AUTS2: variants seen among roughly 807,000 people sequenced by gnomAD.
AUTS2 encodes the protein activator of transcription and developmental regulator AUTS2.
In AUTS2, 17 loss-of-function variants were observed where a neutral mutation model predicts 112.4. The observed-to-expected ratio is 0.15, with a 90% confidence interval of 0.10 to 0.23. AUTS2 has a LOEUF of 0.23. Ranked by LOEUF, AUTS2 falls within the 10% of genes least tolerant of loss-of-function variation. The probability of loss-of-function intolerance (pLI) is 1.00; values close to 1 mark genes in which losing one functional copy is unlikely to be tolerated. For synonymous variants in AUTS2, 751 were observed against 702.7 expected (o/e 1.07, Z -1.09); for missense variants, 1,510 against 1,701.6 (o/e 0.89, Z 1.98).
chr7:70,342,976 G>C (rs1327872268), intron 4 of AUTS2, among the ~76,000 whole-genome samples: 1 of 152,144 alleles, frequency 6.6e-6, no homozygotes, highest in Non-Finnish European at 1.5e-5. Context: ...TCTAAGAAAG[G>C]AGGTGGCCAG....
At chr7:70,399,227 C>T (rs761156057) in intron 4 of AUTS2, among the ~76,000 whole-genome samples, 4 of 151,844 alleles carry the variant, frequency 2.6e-5, no homozygotes, top group South Asian at 4.2e-4. Flanking sequence ...TGGATTCAAG[C>T]GATCCTCCTA....
rs897591552 is a variant in AUTS2, at chr7:70,282,974, A to G, written c.660+148403A>G. Among the ~76,000 whole-genome samples the G allele has an allele frequency of 2.0e-5, 3 of 152,340 alleles. No individual in the cohort carries two copies. The East Asian group carries it at 5.8e-4, about 29-fold the overall frequency. On this transcript the variant is annotated intron_variant, in intron 4 of 18. Transcript: ENST00000342771. ...GACCAATTGTTGACATAAAGCTAACATAGCAGCTTCTATATAGACAGAATA... is the reference window on the plus strand; with the variant it reads ...GACCAATTGTTGACATAAAGCTAACGTAGCAGCTTCTATATAGACAGAATA...
intron 5 of AUTS2, among the ~76,000 whole-genome samples, chr7:70,552,097 T>C (rs1801038623): frequency 6.6e-6 from 1 of 152,086 alleles, no homozygotes; most frequent in South Asian, 2.1e-4. Context: ...TGTGTATCTT[T>C]GTGTGTGTAT....
intron 4 of AUTS2, among the ~76,000 whole-genome samples, chr7:70,309,056 A>G (rs1387900410): frequency 6.6e-6 from 1 of 152,252 alleles, no homozygotes; most frequent in East Asian, 1.9e-4. Context: ...AGTAGCAATT[A>G]CATTGTAATT....
intron 1 of AUTS2, among the ~76,000 whole-genome samples, chr7:69,685,716 G>A (rs1166494260): frequency 6.6e-6 from 1 of 150,464 alleles, no homozygotes; most frequent in East Asian, 1.9e-4. Flanking sequence ...AAGGATCCAT[G>A]CCCTTTTTTT....
At chr7:69,957,074 A>G (rs1305848164) in intron 2 of AUTS2, among the ~76,000 whole-genome samples, 2 of 137,230 alleles carry the variant, frequency 1.5e-5, no homozygotes, top group Non-Finnish European at 3.1e-5. Context: ...TTTTGGAGAG[A>G]CGGGGTTTTG....
At chr7:69,709,809 C>T (rs1317025075) in intron 1 of AUTS2, among the ~76,000 whole-genome samples, 1 of 152,130 alleles carries the variant, frequency 6.6e-6, no homozygotes, top group Non-Finnish European at 1.5e-5. Flanking sequence ...AAAATGCCCT[C>T]CCTGTTTCTC....
At position 70,315,190 on chromosome 7, in the gene AUTS2, G is replaced by A. The variant is rs78490193; in HGVS notation, c.661-120562G>A. 6.3e-3 allele frequency among the ~76,000 whole-genome samples: 963 copies of A among 152,190 alleles called. 6 individuals carry two copies. The highest frequency in any genetic ancestry group is 0.017 in the Middle Eastern group (5 of 294). ...CACTTTGGATCTCTCTCATCCCATG[G>A]ACTGCCTGACTTTGCCACTCCTTGT... On this transcript the variant is annotated intron_variant, in intron 4 of 18. Transcript: ENST00000342771.
At chr7:69,998,576 GCAC>G (rs1477380261) in intron 2 of AUTS2, among the ~76,000 whole-genome samples, 3 of 152,164 alleles carry the variant, frequency 2.0e-5, no homozygotes, top group Non-Finnish European at 2.9e-5. Context: ...GTGCATACAT[GCAC>G]CTGTTTGTTT....
rs745358887 is a variant in AUTS2 at position 70,430,828 on chromosome 7, CTTTTTT to C, written c.661-4904_661-4899del. 2.7e-3 allele frequency among the ~76,000 whole-genome samples: 259 copies of C among 94,524 alleles called. 2 individuals are homozygous for C. The highest frequency in any genetic ancestry group is 0.01 in the African/African-American group (234 of 22,732). 62.0% of individuals were successfully genotyped at this position (94,524 alleles called of 152,430 possible). A position where few individuals can be genotyped will look rare whatever the true frequency, so the allele number is the denominator to read the frequency against. Reference sequence around the variant, plus strand: ...TCCACATAGCAGATTGCAGTGTCGCCTTTTTTTTTTTTTTTTTTTTTTTTTGAGACG... The same window carrying C: ...TCCACATAGCAGATTGCAGTGTCGCCTTTTTTTTTTTTTTTTTTTGAGACG... On this transcript the variant is annotated intron_variant, in intron 4 of 18. Transcript: ENST00000342771.
At chr7:70,583,760 CCTTT>C (rs1802563722) in intron 5 of AUTS2, among the ~76,000 whole-genome samples, 1 of 152,206 alleles carries the variant, frequency 6.6e-6, no homozygotes, top group Non-Finnish European at 1.5e-5. Context: ...TCTGGGCGAG[CCTTT>C]CTTTGTGGAA....
intron 2 of AUTS2, among the ~76,000 whole-genome samples, chr7:70,054,817 G>T (rs577780909): frequency 6.6e-6 from 1 of 152,200 alleles, no homozygotes; most frequent in African/African-American, 2.4e-5. Context: ...AGACTTCTCT[G>T]TCCTTACTTT....
intron 2 of AUTS2, among the ~76,000 whole-genome samples, chr7:70,019,024 A>C (rs1437591521): frequency 1.3e-5 from 2 of 152,220 alleles, no homozygotes; most frequent in Non-Finnish European, 2.9e-5. Flanking sequence ...ATGCCCATCA[A>C]TGGTAGACTG....
rs1472015866 is a variant in AUTS2 at position 70,790,283 on chromosome 7, C to G, written c.3067C>G (p.Pro1023Ala). The change falls in exon 19 of 19, where the codon CCC becomes GCC. Residue 1023 changes from proline to alanine, a missense_variant. Physicochemically the swap from Pro to Ala is conservative, Grantham distance 27. This residue lies in a region of AUTS2 where 788 missense variants were observed against 797.6 expected (regional missense o/e 0.99). Coordinates refer to ENST00000342771, the MANE Select transcript of AUTS2 (RefSeq NM_015570.4). The surrounding 1 kb of genome is among the most constrained non-coding windows in gnomAD (Gnocchi z 7.6). ...SVHPGPLASM[P>A]MTVGVTGIHP... Reference sequence around the variant, plus strand: ...GCACCCGGGGCCCCTGGCCTCGATGCCCATGACGGTGGGGGTGACGGGCAT... The same window carrying G: ...GCACCCGGGGCCCCTGGCCTCGATGGCCATGACGGTGGGGGTGACGGGCAT... 3 of 1,613,248 alleles carry G rather than the reference C, an allele frequency of 1.9e-6. No homozygotes were observed. Among genetic ancestry groups the G allele is most frequent in the Non-Finnish European group, 2.5e-6 (3 of 1,179,962 alleles).
chr7:69,824,728 G>C (rs1386694237), intron 1 of AUTS2: 1 of 152,102 alleles, frequency 6.6e-6, no homozygotes, highest in African/African-American at 2.4e-5. Context: ...AAAGACCTGG[G>C]CATTTGGCAC....
intron 5 of AUTS2, among the ~76,000 whole-genome samples, chr7:70,613,950 A>G (rs1804226098): frequency 6.6e-6 from 1 of 152,254 alleles, no homozygotes; most frequent in Non-Finnish European, 1.5e-5. Flanking sequence ...AAAAGTGACA[A>G]AAATCCCAAG....
intron 5 of AUTS2, among the ~76,000 whole-genome samples, chr7:70,509,723 T>C (rs1357096309): frequency 2.0e-5 from 3 of 152,170 alleles, no homozygotes; most frequent in African/African-American, 7.2e-5. Context: ...TAAACCAGGC[T>C]GACCAATGCA....
intron 1 of AUTS2, among the ~76,000 whole-genome samples, chr7:69,794,803 C>G (rs909271995): frequency 2.0e-5 from 3 of 152,050 alleles, no homozygotes; most frequent in Non-Finnish European, 4.4e-5. Context: ...AGTAGAAGAA[C>G]CCACAGAGAT....
At chr7:70,001,039 G>C (rs1799168710) in intron 2 of AUTS2, among the ~76,000 whole-genome samples, 1 of 152,184 alleles carries the variant, frequency 6.6e-6, no homozygotes, top group Non-Finnish European at 1.5e-5. Context: ...TAGAAGTCTT[G>C]TCTATTGGTG....
Sources: gnomAD v4.1 joint callset for allele counts (sites outside exome capture counted in the v4.1 genomes callset) on GRCh38, gnomAD v4.1.1 for gene constraint, gnomAD v4.1.1 regional missense constraint, Gnocchi (gnomAD v3.1) non-coding constraint, MANE v1.5 for transcripts, NCBI Gene and HGNC (gene_info 2026-07-23, HGNC 2026-07-21) for gene names.